Variants in SPTBN1 observed in about 807,000 individuals in gnomAD.
SPTBN1 encodes spectrin beta, non-erythrocytic 1, also known as spectrin beta chain, non-erythrocytic 1.
A neutral mutation model predicts 266.4 loss-of-function variants in SPTBN1; 32 were observed. The observed-to-expected ratio is 0.12, with a 90% CI of 0.09 to 0.16. The LOEUF (loss-of-function observed/expected upper bound fraction) is 0.16. SPTBN1 is among the 10% of genes least tolerant of loss of function. SPTBN1 has a pLI of 1.00. For missense variants in SPTBN1, 2,296 were observed against 3,067.1 expected (o/e 0.75, Z 5.94); for synonymous variants, 1,336 against 1,162.2 (o/e 1.15, Z -3.04).
At chr2:54,647,446 C>CTGT (rs897514790) in intron 24 of SPTBN1, among the ~76,000 whole-genome samples, 185 bp downstream of exon 24, 2 of 152,154 alleles carry the variant, frequency 1.3e-5, no homozygotes, top group African/African-American at 4.8e-5. Flanking sequence ...GATGGGTGAA[C>CTGT]TGTTATATTA....
chr2:54,625,502 C>T (rs1017833824), intron 11 of SPTBN1, among the ~76,000 whole-genome samples: 4 of 150,350 alleles, frequency 2.7e-5, no homozygotes, highest in Admixed American at 2.0e-4. Context: ...TTTAAGACCA[C>T]CAGGGATTAA....
intron 1 of SPTBN1, among the ~76,000 whole-genome samples, chr2:54,498,821 G>A (rs1221381499): frequency 6.6e-6 from 1 of 152,158 alleles, no homozygotes; most frequent in Non-Finnish European, 1.5e-5. Flanking sequence ...GCTGTGTTGG[G>A]TGCTGGAGAT....
intron 2 of SPTBN1, among the ~76,000 whole-genome samples, chr2:54,556,383 G>T (rs1672877151): frequency 6.6e-6 from 1 of 152,190 alleles, no homozygotes; most frequent in Non-Finnish European, 1.5e-5. Context: ...CAGCTCTACT[G>T]CCATCATATT....
intron 2 of SPTBN1, among the ~76,000 whole-genome samples, chr2:54,563,312 T>C (rs971625783): frequency 6.6e-6 from 1 of 152,164 alleles, no homozygotes; most frequent in Non-Finnish European, 1.5e-5. Context: ...AGTTTTTCTG[T>C]CTGCTTTGCA....
chr2:54,626,083 G>A lies in SPTBN1; in HGVS notation c.1493G>A (p.Arg498His), dbSNP rs1225971103. The A allele has an allele frequency of 2.5e-6, 4 of 1,614,034 alleles. No homozygotes were observed. Among genetic ancestry groups the A allele is most frequent in the African/African-American group, 1.3e-5 (1 of 74,902 alleles). ...GCCGAGAATTACCACGACATCAAGCGCATCACAGCGAGGAAGGACAATGTC... is the reference window on the plus strand; with the variant it reads ...GCCGAGAATTACCACGACATCAAGCACATCACAGCGAGGAAGGACAATGTC... The part of the protein sequence containing the change: ...LEAENYHDIK[R>H]ITARKDNVIR... Residue 498 changes from arginine to histidine, a missense_variant, in exon 12 of 36, where the codon CGC becomes CAC. Coordinates refer to ENST00000356805, the MANE Select transcript of SPTBN1 (RefSeq NM_003128.3). The surrounding 1 kb of genome is among the most constrained non-coding windows in gnomAD (Gnocchi z 4.7).
At chr2:54,545,900 G>T (rs550211178) in intron 2 of SPTBN1, among the ~76,000 whole-genome samples, 1 of 152,248 alleles carries the variant, frequency 6.6e-6, no homozygotes, top group Admixed American at 6.5e-5. Context: ...TGGTTTCTGT[G>T]TACACAGTGA....
chr2:54,664,699 C>T lies in SPTBN1; in HGVS notation c.6659+8C>T. 6.2e-7 allele frequency: 1 copy of T among 1,612,872 alleles called. No individual in the cohort carries two copies. Reference sequence around the variant, plus strand: ...TAAGAAAGCCTCAAGCAGGTAACAGCAGCAGAGGCTGCCACAGTAAGATGG... The same window carrying T: ...TAAGAAAGCCTCAAGCAGGTAACAGTAGCAGAGGCTGCCACAGTAAGATGG... On this transcript the variant is annotated splice_region_variant and intron_variant, in intron 33 of 35. Transcript: ENST00000356805. The surrounding 1 kb of genome is among the most constrained non-coding windows in gnomAD (Gnocchi z 5.6).
At chr2:54,509,105 C>T (rs1212484786) in intron 1 of SPTBN1, among the ~76,000 whole-genome samples, 1 of 152,148 alleles carries the variant, frequency 6.6e-6, no homozygotes, top group Non-Finnish European at 1.5e-5. Flanking sequence ...GTGGAAGATA[C>T]TATAGCATAG....
At chr2:54,511,450 C>T (rs533409087) in intron 1 of SPTBN1, among the ~76,000 whole-genome samples, 6 of 152,230 alleles carry the variant, frequency 3.9e-5, no homozygotes, top group African/African-American at 1.2e-4. Context: ...CTTTTTGGCA[C>T]CAGGGACTAG....
intron 32 of SPTBN1, chr2:54,661,787 A>G (rs995392489): frequency 5.1e-6 from 5 of 985,292 alleles, no homozygotes; most frequent in Non-Finnish European, 6.0e-6. Flanking sequence ...CTGACACCCA[A>G]TTTGACACTT....
At chr2:54,589,024 C>T (rs573379805) in intron 2 of SPTBN1, among the ~76,000 whole-genome samples, 4 of 152,162 alleles carry the variant, frequency 2.6e-5, no homozygotes, top group South Asian at 2.1e-4. Context: ...ATAATCACAT[C>T]GTGGAGAATG....
At chr2:54,461,906 G>C (rs1458193125) in intron 1 of SPTBN1, among the ~76,000 whole-genome samples, 1 of 152,088 alleles carries the variant, frequency 6.6e-6, no homozygotes, top group Non-Finnish European at 1.5e-5. Context: ...TTGTAATTTA[G>C]CAGAGTCATA....
intron 1 of SPTBN1, among the ~76,000 whole-genome samples, chr2:54,504,772 T>A (rs1289108508): frequency 6.6e-6 from 1 of 152,146 alleles, no homozygotes; most frequent in East Asian, 1.9e-4. Context: ...TTTTTTTTAA[T>A]AAGCAAATGT....
chr2:54,576,074 A>ATTTTTTTTTT (rs1209132160), intron 2 of SPTBN1, among the ~76,000 whole-genome samples: 24,004 of 91,830 alleles, frequency 0.26, 6,551 homozygotes, highest in Non-Finnish European at 0.35. Flanking sequence ...TTTTTTTTTG[A>ATTTTTTTTTT]GAGACAGTCT....
Position 54,632,634 on chromosome 2 carries a change from A to G in SPTBN1, c.3633A>G (p.Gln1211=), listed in dbSNP as rs1232865133. 5 of 1,614,248 alleles carry G rather than the reference A, an allele frequency of 3.1e-6. No homozygotes were observed. The highest frequency in any genetic ancestry group is 1.6e-4 in the Middle Eastern group (1 of 6,062). Residue 1211 remains glutamine, a synonymous_variant, in exon 17 of 36, where the codon CAA becomes CAG. Coordinates refer to ENST00000356805, the MANE Select transcript of SPTBN1 (RefSeq NM_003128.3). ...LEGAEAAIKK[Q]EDFMTTMDAN... ...GAGCTGAAGCAGCAATTAAAAAGCA[A>G]GAGGACTTCATGACCACCATGGACG...
In SPTBN1 at chr2:54,629,048, C is replaced by T; in HGVS notation, c.1914C>T (p.Arg638=). The T allele has an allele frequency of 6.2e-7, 1 of 1,613,842 alleles. No homozygotes were observed. The highest frequency in any genetic ancestry group is 8.5e-7 in the Non-Finnish European group (1 of 1,180,026). The change falls in exon 14 of 36, where the codon CGC becomes CGT. Residue 638 remains arginine, a synonymous_variant. Coordinates refer to ENST00000356805, the MANE Select transcript of SPTBN1 (RefSeq NM_003128.3). Reference sequence around the variant, plus strand: ...GCAGGGCCCGTCTGGAAGAGTCCCGCCGCCTCTGGAAGTTCTTCTGGGAGA... The same window carrying T: ...GCAGGGCCCGTCTGGAAGAGTCCCGTCGCCTCTGGAAGTTCTTCTGGGAGA... ...AERRARLEES[R]RLWKFFWEMA... is the part of the protein sequence containing the mutation.
At chr2:54,575,774 TC>T (rs1273177686) in intron 2 of SPTBN1, among the ~76,000 whole-genome samples, 1 of 152,220 alleles carries the variant, frequency 6.6e-6, no homozygotes, top group African/African-American at 2.4e-5. Context: ...TATCGGGAAC[TC>T]CTTTGAATCT....
chr2:54,661,258 C>G (rs1328456199), intron 32 of SPTBN1: 1 of 985,746 alleles, frequency 1.0e-6, no homozygotes, highest in Admixed American at 6.1e-5. Context: ...AAGCTGGTGA[C>G]AGAGATGGTT....
intron 1 of SPTBN1, among the ~76,000 whole-genome samples, chr2:54,518,174 C>T (rs1006286826): frequency 6.6e-6 from 1 of 151,800 alleles, no homozygotes; most frequent in African/African-American, 2.4e-5. Flanking sequence ...CCCCATGTAC[C>T]TGAGTAATAA....
Sources: allele counts gnomAD v4.1 joint callset (sites outside exome capture counted in the v4.1 genomes callset), GRCh38; gene constraint gnomAD v4.1.1; non-coding constraint Gnocchi (gnomAD v3.1); transcripts MANE v1.5; gene names NCBI Gene and HGNC (gene_info 2026-07-23, HGNC 2026-07-21).